RIT2: variants seen among roughly 807,000 people sequenced by gnomAD.
RIT2 encodes GTP-binding protein Rit2.
In RIT2, 24 loss-of-function variants were observed where a neutral mutation model predicts 23.7. The ratio of observed to expected loss-of-function variants is 1.01; its 90% CI spans 0.73 to 1.43. RIT2 has a LOEUF of 1.43. Ranked by LOEUF, RIT2 falls within the 40% of genes most tolerant of loss-of-function variation. The probability of loss-of-function intolerance (pLI) is 0.00; values close to 1 mark genes in which losing one functional copy is unlikely to be tolerated. For synonymous variants in RIT2, 107 were observed against 91.1 expected (o/e 1.17, Z -0.99); for missense variants, 236 against 266.9 (o/e 0.88, Z 0.81).
At chr18:42,818,953 T>A (rs1568004195) in intron 4 of RIT2, among the ~76,000 whole-genome samples, 1 of 152,052 alleles carries the variant, frequency 6.6e-6, no homozygotes, top group Non-Finnish European at 1.5e-5. Flanking sequence ...ATGTTCCTAT[T>A]CCTTTCTCTG....
intron 1 of RIT2, among the ~76,000 whole-genome samples, chr18:43,064,979 G>C (rs961756453): frequency 4.0e-5 from 6 of 151,780 alleles, no homozygotes. Context: ...ACCATGCCCG[G>C]CTAATTTTTC....
At position 42,878,060 on chromosome 18, in the gene RIT2, G is replaced by C. The variant is rs1482678018; in HGVS notation, c.426+45512C>G. Reference sequence around the variant, plus strand: ...CTGGTCCCAAGTATTTCGGATAAGAGATACTCAAACTGTATAAGCATATTC... The same window carrying C: ...CTGGTCCCAAGTATTTCGGATAAGACATACTCAAACTGTATAAGCATATTC... On this transcript the variant is annotated intron_variant, in intron 4 of 4. Transcript: ENST00000326695. Among the ~76,000 whole-genome samples, 4 of 151,080 alleles carry C rather than the reference G, an allele frequency of 2.6e-5. No individual in the cohort carries two copies. The East Asian group carries it at 5.8e-4, about 22-fold the overall frequency.
rs531684685 is a variant in RIT2, at chr18:42,975,950, C to A, written c.161-1803G>T. On this transcript the variant is annotated intron_variant, in intron 2 of 4. Transcript: ENST00000326695. ...CATTTTAGCACTGCTTTTGCTATAT[C>A]CCATCAGTTTTAGAATGCTGTGTTT... 1.9e-3 allele frequency among the ~76,000 whole-genome samples: 293 copies of A among 152,116 alleles called. 3 individuals carry two copies. Among genetic ancestry groups the A allele is most frequent in the South Asian group, 3.5e-3 (17 of 4,810 alleles).
rs190916661 is a variant in RIT2, at chr18:43,091,612, T to C, written c.103+23805A>G. 9.5e-4 allele frequency among the ~76,000 whole-genome samples: 145 copies of C among 152,172 alleles called. 5 individuals are homozygous for C. The East Asian group carries it at 0.025, about 26-fold the overall frequency. On this transcript the variant is annotated intron_variant, in intron 1 of 4. Coordinates refer to ENST00000326695, the MANE Select transcript of RIT2 (RefSeq NM_002930.4). ...CAAGGCTGATTTCCTATGAGCCACA[T>C]GTGCCTCAGATTCCTTCACTTTAAA...
intron 4 of RIT2, among the ~76,000 whole-genome samples, chr18:42,849,383 G>C (rs1906989420): frequency 6.6e-6 from 1 of 152,156 alleles, no homozygotes; most frequent in Non-Finnish European, 1.5e-5. Flanking sequence ...TTTAGAGTCA[G>C]ATGACCTGGG....
intron 3 of RIT2, among the ~76,000 whole-genome samples, chr18:42,968,459 G>T (rs1011349206): frequency 6.6e-6 from 1 of 152,116 alleles, no homozygotes. Flanking sequence ...CAAAACAATG[G>T]ATCATAATGA....
intron 4 of RIT2, among the ~76,000 whole-genome samples, chr18:42,835,437 C>G (rs905621673): frequency 6.6e-6 from 1 of 152,006 alleles, no homozygotes; most frequent in Non-Finnish European, 1.5e-5. Context: ...ACTCAATGCC[C>G]TTGTAAGAAG....
intron 4 of RIT2, among the ~76,000 whole-genome samples, chr18:42,864,365 C>T (rs185453853): frequency 1.4e-4 from 21 of 152,282 alleles, no homozygotes; most frequent in African/African-American, 5.1e-4. Context: ...CCTCTGTGTA[C>T]AATAGTCATT....
chr18:43,113,082 A>G (rs545562035), intron 1 of RIT2, among the ~76,000 whole-genome samples: 2 of 152,282 alleles, frequency 1.3e-5, no homozygotes, highest in South Asian at 4.1e-4. Context: ...CTCAAATGAG[A>G]TAAAATAAAC....
intron 4 of RIT2, among the ~76,000 whole-genome samples, chr18:42,801,262 G>C (rs554870734): frequency 6.6e-6 from 1 of 152,210 alleles, no homozygotes; most frequent in Non-Finnish European, 1.5e-5. Flanking sequence ...GACTAGTTTT[G>C]AAAATGTTAG....
intron 4 of RIT2, among the ~76,000 whole-genome samples, chr18:42,786,687 T>C (rs1913929262): frequency 6.6e-6 from 1 of 152,172 alleles, no homozygotes; most frequent in Non-Finnish European, 1.5e-5. Flanking sequence ...TCATGTGAAC[T>C]CTTTGCTCCA....
At chr18:42,746,474 TAGAC>T (rs1337283373) in intron 4 of RIT2, among the ~76,000 whole-genome samples, 1 of 151,994 alleles carries the variant, frequency 6.6e-6, no homozygotes, top group African/African-American at 2.4e-5. Flanking sequence ...AATATCAAAG[TAGAC>T]AGTAAGTAAA....
At position 43,101,481 on chromosome 18, in the gene RIT2, T is replaced by G. The variant is rs192618433; in HGVS notation, c.103+13936A>C. Among the ~76,000 whole-genome samples the G allele has an allele frequency of 3.2e-3, 490 of 152,320 alleles. 1 individual carries two copies. The highest frequency in any genetic ancestry group is 5.1e-3 in the Non-Finnish European group (345 of 68,028). The stretch of plus-strand genomic sequence containing the variant: ...ATAAATTATACTGAAGCCATGTGAC[T>G]GGATAAAATACCATAGGAAATTAAA... On this transcript the variant is annotated intron_variant, in intron 1 of 4. Transcript: ENST00000326695.
intron 3 of RIT2, among the ~76,000 whole-genome samples, chr18:42,968,823 A>G (rs1415704278): frequency 6.6e-6 from 1 of 152,190 alleles, no homozygotes; most frequent in Non-Finnish European, 1.5e-5. Context: ...TACACATTGT[A>G]AGATTATAGT....
At chr18:42,891,715 G>T (rs919444858) in intron 4 of RIT2, among the ~76,000 whole-genome samples, 5 of 152,128 alleles carry the variant, frequency 3.3e-5, no homozygotes, top group Non-Finnish European at 5.9e-5. Flanking sequence ...ACAATGAAAA[G>T]TGCCGTGGTT....
intron 1 of RIT2, among the ~76,000 whole-genome samples, chr18:43,050,644 T>C (rs1405199064): frequency 6.6e-6 from 1 of 152,114 alleles, no homozygotes; most frequent in Admixed American, 6.6e-5. Context: ...GTCCTCCATC[T>C]GCCCCAAAGC....
At chr18:42,917,974 G>A (rs548635501) in intron 4 of RIT2, among the ~76,000 whole-genome samples, 1 of 152,020 alleles carries the variant, frequency 6.6e-6, no homozygotes, top group Non-Finnish European at 1.5e-5. Context: ...CCTTTTCACT[G>A]CTCAGAACTG....
At chr18:43,112,488 C>A (rs1473029630) in intron 1 of RIT2, among the ~76,000 whole-genome samples, 1 of 152,096 alleles carries the variant, frequency 6.6e-6, no homozygotes, top group Admixed American at 6.5e-5. Flanking sequence ...GTTTAAAATT[C>A]CTCACATAAA....
At chr18:42,920,137 A>G (rs117917394) in intron 4 of RIT2, among the ~76,000 whole-genome samples, 1 of 152,096 alleles carries the variant, frequency 6.6e-6, no homozygotes, top group African/African-American at 2.4e-5. Context: ...AAACCCAAAG[A>G]ATTATTATCC....
Sources: gnomAD v4.1 joint callset for allele counts (sites outside exome capture counted in the v4.1 genomes callset) on GRCh38, gnomAD v4.1.1 for gene constraint, MANE v1.5 for transcripts, NCBI Gene and HGNC (gene_info 2026-07-23, HGNC 2026-07-21) for gene names.